The following PDE6D variants were observed in gnomAD, a reference collection of about 807,000 sequenced individuals.
PDE6D encodes the protein phosphodiesterase 6D.
In PDE6D, 10 loss-of-function variants were observed where a neutral mutation model predicts 21.9. That is an observed-to-expected ratio of 0.46 (90% CI 0.28 to 0.78). The LOEUF (loss-of-function observed/expected upper bound fraction) is 0.78, where lower values mean the gene tolerates loss of function less well. Among genes scored for constraint, PDE6D ranks in the 30% least tolerant of loss-of-function variants. PDE6D has a pLI of 0.12. For synonymous variants in PDE6D, 59 were observed against 63.5 expected (o/e 0.93, Z 0.34); for missense variants, 139 against 184.8 (o/e 0.75, Z 1.44).
At chr2:231,753,701 A>T (rs949454936) in intron 1 of PDE6D, among the ~76,000 whole-genome samples, 1 of 152,090 alleles carries the variant, frequency 6.6e-6, no homozygotes, top group African/African-American at 2.4e-5. Flanking sequence ...AATGTAAAAA[A>T]CCCCTCTAGT....
At chr2:231,773,709 C>T (rs1406696788) in intron 1 of PDE6D, among the ~76,000 whole-genome samples, 1 of 152,114 alleles carries the variant, frequency 6.6e-6, no homozygotes. Flanking sequence ...TTTCAGAAAC[C>T]TTCTGAGCCC....
chr2:231,769,043 A>G (rs2048994797), intron 1 of PDE6D, among the ~76,000 whole-genome samples: 1 of 151,760 alleles, frequency 6.6e-6, no homozygotes, highest in African/African-American at 2.4e-5. Flanking sequence ...TCATTTTGGT[A>G]TTTTTAGTGG....
intron 1 of PDE6D, among the ~76,000 whole-genome samples, chr2:231,750,885 AC>A (rs2048834560): frequency 6.6e-6 from 1 of 152,040 alleles, no homozygotes; most frequent in Admixed American, 6.6e-5. Flanking sequence ...TTGTATATGG[AC>A]ATTATTCTCA....
intron 1 of PDE6D, among the ~76,000 whole-genome samples, chr2:231,771,805 T>C (rs1350056811): frequency 6.6e-6 from 1 of 152,178 alleles, no homozygotes; most frequent in African/African-American, 2.4e-5. Context: ...TATCTCAATA[T>C]AAACATTTGC....
intron 1 of PDE6D, among the ~76,000 whole-genome samples, chr2:231,769,783 T>C (rs894296880): frequency 6.6e-6 from 1 of 152,144 alleles, no homozygotes; most frequent in African/African-American, 2.4e-5. Flanking sequence ...TAACAGAGAA[T>C]CACAGAAAAG....
At chr2:231,733,819 T>C (rs1403162390) in intron 4 of PDE6D, among the ~76,000 whole-genome samples, 2 of 152,116 alleles carry the variant, frequency 1.3e-5, no homozygotes. Flanking sequence ...TCATTTTTCT[T>C]GGTGGGTATC....
At chr2:231,737,867 C>T (rs2048715023) in intron 3 of PDE6D, 146 bp downstream of exon 3, 4 of 738,220 alleles carry the variant, frequency 5.4e-6, no homozygotes. Context: ...ACTGGGGATT[C>T]ACAGTCTTGC....
intron 1 of PDE6D, among the ~76,000 whole-genome samples, chr2:231,755,588 T>C (rs2048876885): frequency 6.6e-6 from 1 of 151,822 alleles, no homozygotes; most frequent in South Asian, 2.1e-4. Context: ...TAGCCAGGCA[T>C]GATGCCCAAT....
chr2:231,777,535 T>A (rs185374754), intron 1 of PDE6D, among the ~76,000 whole-genome samples: 1 of 152,302 alleles, frequency 6.6e-6, no homozygotes, highest in East Asian at 1.9e-4. Flanking sequence ...AAGGGGCACA[T>A]ATTTGTAGGG....
At chr2:231,756,010 A>T (rs1220391326) in intron 1 of PDE6D, among the ~76,000 whole-genome samples, 1 of 152,200 alleles carries the variant, frequency 6.6e-6, no homozygotes, top group Non-Finnish European at 1.5e-5. Flanking sequence ...TCTGGTAGAG[A>T]AATGGTTAAA....
At chr2:231,765,352 C>T (rs1190632137) in intron 1 of PDE6D, among the ~76,000 whole-genome samples, 1 of 152,034 alleles carries the variant, frequency 6.6e-6, no homozygotes. Flanking sequence ...CAAAAACCAA[C>T]CCACCAACGA....
chr2:231,758,834 T>G (rs2048903826), intron 1 of PDE6D, among the ~76,000 whole-genome samples: 1 of 152,172 alleles, frequency 6.6e-6, no homozygotes, highest in South Asian at 2.1e-4. Context: ...CATTTCTAAC[T>G]AGCTCCCTGA....
chr2:231,733,065 G>C (rs757783742), intron 4 of PDE6D, 32 bp from the exon 5 acceptor site: 1 of 1,387,190 alleles, frequency 7.2e-7, no homozygotes, highest in Non-Finnish European at 1.0e-6. Flanking sequence ...GAGGGCAAAA[G>C]AGAGTGAGCA....
chr2:231,772,963 C>T (rs62198563), intron 1 of PDE6D, among the ~76,000 whole-genome samples: 39,114 of 152,102 alleles, frequency 0.26, 5,259 homozygotes, highest in Non-Finnish European at 0.31. Flanking sequence ...TAAGGCCGGG[C>T]GTGGTGGCTC....
intron 1 of PDE6D, among the ~76,000 whole-genome samples, chr2:231,751,554 C>G (rs1023109668): frequency 6.6e-6 from 1 of 152,190 alleles, no homozygotes; most frequent in African/African-American, 2.4e-5. Flanking sequence ...AACTAAGGAA[C>G]CAATATTGAT....
intron 1 of PDE6D, among the ~76,000 whole-genome samples, chr2:231,752,067 CTG>C (rs2048844128): frequency 6.6e-6 from 1 of 152,186 alleles, no homozygotes; most frequent in Non-Finnish European, 1.5e-5. Context: ...AATCAAATGA[CTG>C]TGCTCTGATA....
At chr2:231,742,655 T>A (rs186502783) in intron 1 of PDE6D, among the ~76,000 whole-genome samples, 1 of 152,314 alleles carries the variant, frequency 6.6e-6, no homozygotes, top group African/African-American at 2.4e-5. Flanking sequence ...ATAGTTTACA[T>A]GTGTCTTTTT....
chr2:231,741,725 C>T (rs2048751561), intron 1 of PDE6D, among the ~76,000 whole-genome samples: 2 of 152,162 alleles, frequency 1.3e-5, no homozygotes. Flanking sequence ...AATCCAAGTA[C>T]TGACATCAAG....
At chr2:231,751,833 T>G (rs2048842432) in intron 1 of PDE6D, among the ~76,000 whole-genome samples, 1 of 152,242 alleles carries the variant, frequency 6.6e-6, no homozygotes, top group Admixed American at 6.5e-5. Context: ...TTGAGGGTAC[T>G]CTGTCAGTTT....
Sources: allele counts gnomAD v4.1 joint callset (sites outside exome capture counted in the v4.1 genomes callset), GRCh38; gene constraint gnomAD v4.1.1; transcripts MANE v1.5; gene names NCBI Gene and HGNC (gene_info 2026-07-23, HGNC 2026-07-21).